CPQ: variants seen among roughly 807,000 people sequenced by gnomAD.
The protein encoded by CPQ is carboxypeptidase Q, also known as Ser-Met dipeptidase.
In CPQ, 37 loss-of-function variants were observed where a neutral mutation model predicts 45.7. The observed-to-expected ratio is 0.81, with a 90% CI of 0.62 to 1.07. The LOEUF (loss-of-function observed/expected upper bound fraction) is 1.07. CPQ is among the 50% of genes least tolerant of loss of function. CPQ has a pLI of 0.00. For missense variants in CPQ, 537 were observed against 572.9 expected, an observed-to-expected ratio of 0.94 and a Z score of 0.64; for synonymous variants, 186 against 205.8, an observed-to-expected ratio of 0.90 and a Z score of 0.82.
In CPQ at chr8:97,143,179, C is replaced by T. The variant is rs763785340; in HGVS notation, c.1415C>T (p.Ser472Phe). 1 of 1,613,670 alleles carries T rather than the reference C, an allele frequency of 6.2e-7. No individual in the cohort carries two copies. The highest frequency in any genetic ancestry group is 8.5e-7 in the Non-Finnish European group (1 of 1,179,840). ...VADMEEMLPR[S>F] ...GACATGGAAGAAATGCTGCCTAGGT[C>T]CTAGAAACAGTAAGAAAGAAACGTT... is the stretch of plus-strand genomic sequence containing the variant. The change falls in exon 8 of 8, where the codon TCC becomes TTC. Residue 472 changes from serine (S) to phenylalanine (F), a missense_variant. By Grantham distance (155) the Ser-to-Phe change is radical. Coordinates refer to ENST00000220763, the MANE Select transcript of CPQ (RefSeq NM_016134.4).
intron 1 of CPQ, among the ~76,000 whole-genome samples, chr8:96,771,502 T>G (rs1427703276): frequency 6.6e-6 from 1 of 151,938 alleles, no homozygotes; most frequent in Non-Finnish European, 1.5e-5. Context: ...TGCCCTCCTA[T>G]CCCCCATCAT....
rs71267273 is a variant in CPQ, at chr8:96,660,636, GGTGT to G, written c.-35+15259_-35+15262del. Among the ~76,000 whole-genome samples, 25 of 149,142 alleles carry G rather than the reference GGTGT, an allele frequency of 1.7e-4. No homozygotes were observed. The South Asian group carries it at 2.8e-3, about 17-fold the overall frequency. ...CTGAAATGGGGCTGAGAATACATTT[GGTGT>G]GTGTGTGTGTGTGTGTGTGTGTGTT... On this transcript the variant is annotated intron_variant, in intron 1 of 7. Coordinates refer to ENST00000220763, the MANE Select transcript of CPQ (RefSeq NM_016134.4).
At chr8:97,064,380 G>T (rs984169372) in intron 6 of CPQ, among the ~76,000 whole-genome samples, 2 of 152,176 alleles carry the variant, frequency 1.3e-5, no homozygotes, top group Non-Finnish European at 2.9e-5. Flanking sequence ...AATGAGCCCT[G>T]AATGTAAGAC....
intron 4 of CPQ, 32 bp downstream of exon 4, chr8:96,880,037 C>A: frequency 3.2e-6 from 5 of 1,575,256 alleles, no homozygotes; most frequent in Non-Finnish European, 4.4e-6. Context: ...CCTAAGAATA[C>A]AGTTTCCTGG....
At chr8:96,666,790 G>T (rs1476200127) in intron 1 of CPQ, among the ~76,000 whole-genome samples, 1 of 152,092 alleles carries the variant, frequency 6.6e-6, no homozygotes, top group Non-Finnish European at 1.5e-5. Context: ...CTTCTGTCCT[G>T]CTTTTCTAAA....
chr8:96,740,371 A>G (rs942346748), intron 1 of CPQ, among the ~76,000 whole-genome samples: 6 of 152,126 alleles, frequency 3.9e-5, no homozygotes, highest in Admixed American at 3.9e-4. Context: ...GGCTGAGAAG[A>G]TGGGGTTTTC....
intron 1 of CPQ, among the ~76,000 whole-genome samples, chr8:96,696,242 G>A (rs941023420): frequency 4.1e-5 from 6 of 146,376 alleles, no homozygotes; most frequent in South Asian, 2.2e-4. Context: ...ATTGAACAAT[G>A]AGAACACATG....
chr8:97,130,896 G>A (rs1021239692), intron 7 of CPQ, among the ~76,000 whole-genome samples: 1 of 141,098 alleles, frequency 7.1e-6, no homozygotes, highest in Admixed American at 7.1e-5. Context: ...AGAAGGTTTT[G>A]TGTCAAAAAA....
intron 5 of CPQ, among the ~76,000 whole-genome samples, chr8:97,011,160 T>C (rs1222575800): frequency 6.6e-6 from 1 of 152,218 alleles, no homozygotes; most frequent in Non-Finnish European, 1.5e-5. Context: ...AGTTGAAGAT[T>C]TTGACATTCC....
intron 4 of CPQ, among the ~76,000 whole-genome samples, chr8:96,898,467 G>A (rs183649257): frequency 1.1e-3 from 168 of 152,244 alleles, no homozygotes; most frequent in Middle Eastern, 6.8e-3. Flanking sequence ...GAAAGTGCTT[G>A]CGAAGAATAT....
chr8:97,014,410 G>A (rs1056377680), intron 5 of CPQ, among the ~76,000 whole-genome samples: 1 of 152,052 alleles, frequency 6.6e-6, no homozygotes, highest in Non-Finnish European at 1.5e-5. Flanking sequence ...CAGCAATTTG[G>A]GAGGCCGAGG....
chr8:96,804,868 A>T (rs1163785586), intron 2 of CPQ, among the ~76,000 whole-genome samples: 2 of 151,946 alleles, frequency 1.3e-5, no homozygotes, highest in East Asian at 3.9e-4. Flanking sequence ...TTTTAAGTAC[A>T]TTTTCTATAC....
chr8:97,048,224 A>G (rs1313012305), intron 6 of CPQ, among the ~76,000 whole-genome samples: 9 of 152,194 alleles, frequency 5.9e-5, no homozygotes, highest in Admixed American at 5.9e-4. Flanking sequence ...AATTTAGAAG[A>G]TTGGAGGAGC....
At chr8:96,947,233 T>A (rs746179834) in intron 4 of CPQ, among the ~76,000 whole-genome samples, 17 of 152,210 alleles carry the variant, frequency 1.1e-4, no homozygotes, top group Non-Finnish European at 2.1e-4. Context: ...ATATATGCCA[T>A]GTGCCACATA....
At chr8:97,126,398 GT>G (rs1267124597) in intron 7 of CPQ, among the ~76,000 whole-genome samples, 1 of 152,118 alleles carries the variant, frequency 6.6e-6, no homozygotes, top group Non-Finnish European at 1.5e-5. Flanking sequence ...GGTCTTTTTT[GT>G]TATCAGGCAT....
rs1554573253 is a variant in CPQ at position 96,854,557 on chromosome 8, A to AAAAAAAAAAAAAAAAAAAAACAC, written c.641+19379_641+19380insAAAAAAAAAAAAAAAAAACACAA. Among the ~76,000 whole-genome samples the AAAAAAAAAAAAAAAAAAAAACAC allele has an allele frequency of 5.2e-5, 4 of 76,888 alleles. 1 individual carries two copies. The highest frequency in any genetic ancestry group is 9.3e-3 in the Middle Eastern group (1 of 108). 50.4% of individuals were successfully genotyped at this position (76,888 alleles called of 152,430 possible). ...AAAAAAAAAAAAAAAAAAAAAAAAAAAATGTGGTGGAACTAAAAGCCCAGT... is the reference window on the plus strand; with the variant it reads ...AAAAAAAAAAAAAAAAAAAAAAAAAAAAAAAAAAAAAAAAAAAAAACACAATGTGGTGGAACTAAAAGCCCAGT... On this transcript the variant is annotated intron_variant, in intron 3 of 7. Transcript: ENST00000220763.
At chr8:96,853,717 GAATA>G (rs535972336) in intron 3 of CPQ, among the ~76,000 whole-genome samples, 165 of 152,258 alleles carry the variant, frequency 1.1e-3, no homozygotes, top group Middle Eastern at 6.8e-3. Flanking sequence ...TATTGTGAGT[GAATA>G]AATAAATAGT....
chr8:96,873,045 G>T (rs1040014607), intron 3 of CPQ, among the ~76,000 whole-genome samples: 6 of 151,638 alleles, frequency 4.0e-5, no homozygotes, highest in African/African-American at 1.5e-4. Flanking sequence ...CTTCTTCCTT[G>T]CACTCTTGTG....
Position 96,845,004 on chromosome 8 carries a change from C to A in CPQ, c.641+9824C>A, listed in dbSNP as rs774020897. Among the ~76,000 whole-genome samples, 9 of 152,186 alleles carry A rather than the reference C, an allele frequency of 5.9e-5. No individual in the cohort carries two copies. In the South Asian group the frequency reaches 6.2e-4, roughly 11 times the overall value. Reference sequence around the variant, plus strand: ...AATGCAGCAAATATTCTATTTCAAACAATACCCAAGATATTTTCCACCTCA... The same window carrying A: ...AATGCAGCAAATATTCTATTTCAAAAAATACCCAAGATATTTTCCACCTCA... On this transcript the variant is annotated intron_variant, in intron 3 of 7. Transcript: ENST00000220763.
Sources: allele counts gnomAD v4.1 joint callset (sites outside exome capture counted in the v4.1 genomes callset), GRCh38; gene constraint gnomAD v4.1.1; transcripts MANE v1.5; gene names NCBI Gene and HGNC (gene_info 2026-07-23, HGNC 2026-07-21).